The following KCNQ2 variants were observed in gnomAD, a reference collection of about 807,000 sequenced individuals.
The protein encoded by KCNQ2 is potassium voltage-gated channel subfamily KQT member 2.
Under a neutral mutation model 84.8 loss-of-function variants are expected in KCNQ2, and 14 were observed. The observed-to-expected ratio is 0.17, with a 90% CI of 0.11 to 0.26. The LOEUF is 0.26. Among genes scored for constraint, KCNQ2 ranks in the 10% least tolerant of loss-of-function variants. The pLI, the probability that KCNQ2 is intolerant of heterozygous loss-of-function variation, is 1.00. For synonymous variants in KCNQ2, 599 were observed against 554.1 expected, an observed-to-expected ratio of 1.08 and a Z score of -1.14; for missense variants, 788 against 1,254.0, an observed-to-expected ratio of 0.63 and a Z score of 5.61.
intron 12 of KCNQ2, among the ~76,000 whole-genome samples, chr20:63,418,754 C>T (rs1387683499): frequency 1.3e-5 from 2 of 152,240 alleles, no homozygotes; most frequent in African/African-American, 4.8e-5. Context: ...AGCACCAACG[C>T]CCCCAGAAGC....
Position 63,443,630 on chromosome 20 carries a change from C to T in KCNQ2, c.690+1029G>A, listed in dbSNP as rs2081332601. Reference sequence around the variant, plus strand: ...CACCACCATCACCACCCGCCACCTGCCTCCAGGAGCACTGCAGCCTCGCCA... The same window carrying T: ...CACCACCATCACCACCCGCCACCTGTCTCCAGGAGCACTGCAGCCTCGCCA... On this transcript the variant is annotated intron_variant, in intron 4 of 16. Transcript: ENST00000359125. The T allele has an allele frequency of 2.6e-5, 4 of 152,636 alleles. 1 individual carries two copies. Among genetic ancestry groups the T allele is most frequent in the Admixed American group, 2.0e-4 (3 of 15,282 alleles). The allele number at this position is 152,636 out of a possible 1,614,324, so 9.5% of individuals were successfully genotyped here.
At chr20:63,442,597 ACACCAC>A (rs1470889911) in intron 4 of KCNQ2, 66 bp from the exon 5 acceptor site, 2 of 1,451,548 alleles carry the variant, frequency 1.4e-6, no homozygotes, top group African/African-American at 1.7e-5. Flanking sequence ...ACCACCACCA[ACACCAC>A]CACCATCACA....
At chr20:63,471,663 C>T (rs537660146) in intron 1 of KCNQ2, 27 of 153,476 alleles carry the variant, frequency 1.8e-4, no homozygotes, top group Admixed American at 6.5e-5. Flanking sequence ...ATGGGAGGGC[C>T]CCTCCCCCAT....
At chr20:63,412,142 C>T (rs904901489) in intron 15 of KCNQ2, 9 of 466,166 alleles carry the variant, frequency 1.9e-5, no homozygotes, top group African/African-American at 8.2e-5. Context: ...CGTCCCAGAG[C>T]GTGGAGTGCA....
intron 9 of KCNQ2, among the ~76,000 whole-genome samples, chr20:63,430,756 A>G (rs1402149361): frequency 6.6e-6 from 1 of 152,332 alleles, no homozygotes; most frequent in East Asian, 1.9e-4. Flanking sequence ...TGCCAGGGCA[A>G]GACTCAGGAG....
intron 1 of KCNQ2, among the ~76,000 whole-genome samples, chr20:63,466,007 C>A (rs1181003455): frequency 3.9e-5 from 6 of 152,338 alleles, no homozygotes; most frequent in East Asian, 1.9e-4. Context: ...GCTTGCACTG[C>A]AGCTCTTTCA....
Position 63,442,719 on chromosome 20 carries a change from C to T in KCNQ2, c.691-188G>A, listed in dbSNP as rs796942550. Among the ~76,000 whole-genome samples, 240 of 37,958 alleles carry T rather than the reference C, an allele frequency of 6.3e-3. 3 individuals are homozygous for T. Among genetic ancestry groups the T allele is most frequent in the East Asian group, 0.03 (20 of 676 alleles). 24.9% of individuals were successfully genotyped at this position (37,958 alleles called of 152,430 possible). On this transcript the variant is annotated intron_variant, in intron 4 of 16. Transcript: ENST00000359125. ...ACCACCATCACCATCACCACCACCA[C>T]CACCATCATCACCACCTCCACCATC...
chr20:63,453,860 A>C (rs1174495962), intron 1 of KCNQ2: 1 of 152,102 alleles, frequency 6.6e-6, no homozygotes, highest in East Asian at 1.9e-4. Flanking sequence ...GGCTGACCAG[A>C]CTTGAGAACA....
At chr20:63,416,217 G>A (rs761273279) in intron 12 of KCNQ2, among the ~76,000 whole-genome samples, 11 of 152,210 alleles carry the variant, frequency 7.2e-5, no homozygotes, top group Non-Finnish European at 1.3e-4. Flanking sequence ...CTCGGCCTGC[G>A]AGGCGTGAAG....
intron 5 of KCNQ2, among the ~76,000 whole-genome samples, 175 bp downstream of exon 5, chr20:63,442,231 C>G (rs2081181401): frequency 6.6e-6 from 1 of 151,814 alleles, no homozygotes; most frequent in Non-Finnish European, 1.5e-5. Context: ...CCCACTCCCC[C>G]GCCAGCTTGG....
At chr20:63,448,806 G>A (rs1002893346) in intron 1 of KCNQ2, among the ~76,000 whole-genome samples, 6 of 152,148 alleles carry the variant, frequency 3.9e-5, no homozygotes, top group East Asian at 1.9e-4. Flanking sequence ...CTGCTGGGCC[G>A]GGGCACTGGC....
intron 12 of KCNQ2, among the ~76,000 whole-genome samples, 154 bp from the exon 13 acceptor site, chr20:63,415,280 C>T (rs1336846760): frequency 6.6e-6 from 1 of 151,124 alleles, no homozygotes; most frequent in Non-Finnish European, 1.5e-5. Context: ...TGGCTCAGAG[C>T]AGGTGCCACG....
At chr20:63,435,951 T>C (rs1405526541) in intron 7 of KCNQ2, among the ~76,000 whole-genome samples, 1 of 151,362 alleles carries the variant, frequency 6.6e-6, no homozygotes, top group Non-Finnish European at 1.5e-5. Flanking sequence ...TCCTTTCTTC[T>C]AATTCCCAAA....
chr20:63,455,073 G>C (rs928605457), intron 1 of KCNQ2, among the ~76,000 whole-genome samples: 1 of 152,186 alleles, frequency 6.6e-6, no homozygotes, highest in Non-Finnish European at 1.5e-5. Flanking sequence ...AAAGAAAGAA[G>C]AGACTTCCTA....
intron 12 of KCNQ2, among the ~76,000 whole-genome samples, chr20:63,416,207 C>A (rs917710572): frequency 1.3e-5 from 2 of 152,194 alleles, no homozygotes; most frequent in African/African-American, 4.8e-5. Flanking sequence ...GCCCGGCCCC[C>A]TCGGCCTGCG....
chr20:63,431,762 T>C (rs1009174773), intron 8 of KCNQ2, among the ~76,000 whole-genome samples: 2 of 152,192 alleles, frequency 1.3e-5, no homozygotes, highest in Admixed American at 1.3e-4. Flanking sequence ...GCCGCGGGTC[T>C]GTCCACCCTG....
intron 8 of KCNQ2, among the ~76,000 whole-genome samples, chr20:63,432,468 A>T (rs533531215): frequency 1.5e-3 from 187 of 125,632 alleles, no homozygotes; most frequent in Admixed American, 2.7e-3. Context: ...CTCCACCCAC[A>T]GGGAAGGCTC....
chr20:63,470,189 G>A (rs774548550), intron 1 of KCNQ2, among the ~76,000 whole-genome samples: 7 of 151,568 alleles, frequency 4.6e-5, no homozygotes, highest in Non-Finnish European at 8.8e-5. Flanking sequence ...GCCTCCCTGA[G>A]TCCAAGCCAC....
In KCNQ2 at chr20:63,446,889, T is replaced by C. The variant is rs749357916; in HGVS notation, c.297-52A>G. 13 of 1,506,386 alleles carry C rather than the reference T, an allele frequency of 8.6e-6. No individual in the cohort carries two copies. The East Asian group carries it at 1.1e-4, about 13-fold the overall frequency. The allele number at this position is 1,506,386 out of a possible 1,614,324, so 93.3% of individuals were successfully genotyped here. On this transcript the variant is annotated intron_variant, in intron 1 of 16. Transcript: ENST00000359125. This position sits in a 1 kb window ranked among gnomAD's most constrained non-coding sequence, Gnocchi z 5.5. ...GACAGGCCGCAGCAGGGCAGCAGCATGGCTGTGTCTCCAGAACTCAGGACC... is the reference window on the plus strand; with the variant it reads ...GACAGGCCGCAGCAGGGCAGCAGCACGGCTGTGTCTCCAGAACTCAGGACC...
Sources: gnomAD v4.1 joint callset for allele counts (sites outside exome capture counted in the v4.1 genomes callset) on GRCh38, gnomAD v4.1.1 for gene constraint, Gnocchi (gnomAD v3.1) non-coding constraint, MANE v1.5 for transcripts, NCBI Gene and HGNC (gene_info 2026-07-23, HGNC 2026-07-21) for gene names.